Variants in GRAMD2B observed in about 807,000 individuals in gnomAD.
GRAMD2B encodes GRAM domain-containing protein 2B.
Under a neutral mutation model 59.2 loss-of-function variants are expected in GRAMD2B, and 41 were observed. The ratio of observed to expected loss-of-function variants is 0.69; its 90% confidence interval spans 0.54 to 0.90. The LOEUF is 0.90. GRAMD2B is among the 40% of genes least tolerant of loss of function. The pLI is 0.00. For missense variants in GRAMD2B, 424 were observed against 500.5 expected (o/e 0.85, Z 1.46); for synonymous variants, 161 against 182.7 (o/e 0.88, Z 0.96).
chr5:126,460,173 C>G (rs1247217281), intron 1 of GRAMD2B, among the ~76,000 whole-genome samples: 1 of 152,114 alleles, frequency 6.6e-6, no homozygotes, highest in Non-Finnish European at 1.5e-5. Context: ...TGCTGTCTAT[C>G]ATTTGTGGTT....
chr5:126,469,802 G>T lies in GRAMD2B; in HGVS notation c.315+14G>T. 1 of 1,582,542 alleles carries T rather than the reference G, an allele frequency of 6.3e-7. No individual in the cohort carries two copies. Among genetic ancestry groups the T allele is most frequent in the South Asian group, 1.1e-5 (1 of 90,086 alleles). ...TCTTCCAGCCAGGTAATTTGAGAATGGAATTTGTATTGTCTTAGAGGGTGA... is the reference window on the plus strand; with the variant it reads ...TCTTCCAGCCAGGTAATTTGAGAATTGAATTTGTATTGTCTTAGAGGGTGA... On this transcript the variant is annotated intron_variant, in intron 3 of 13. Coordinates refer to ENST00000285689, the MANE Select transcript of GRAMD2B (RefSeq NM_023927.4).
upstream of GRAMD2B, among the ~76,000 whole-genome samples, chr5:126,370,194 A>G (rs1272691568): frequency 6.6e-6 from 1 of 152,210 alleles, no homozygotes. Flanking sequence ...GCAGGAAAAT[A>G]TTGTCCAAAA....
chr5:126,454,882 G>A (rs183024843), intron 1 of GRAMD2B, among the ~76,000 whole-genome samples: 1 of 152,242 alleles, frequency 6.6e-6, no homozygotes, highest in East Asian at 1.9e-4. Flanking sequence ...TGACCTATTT[G>A]GGGCTCCTTT....
At chr5:126,389,526 C>T (rs1756510242) in intron 1 of GRAMD2B, among the ~76,000 whole-genome samples, 1 of 152,066 alleles carries the variant, frequency 6.6e-6, no homozygotes, top group South Asian at 2.1e-4. Context: ...GTAAGAGCCC[C>T]TGAATGGTTT....
At chr5:126,479,451 AT>A (rs1223897197) in intron 6 of GRAMD2B, among the ~76,000 whole-genome samples, 1 of 152,184 alleles carries the variant, frequency 6.6e-6, no homozygotes, top group Admixed American at 6.5e-5. Flanking sequence ...CTATTTGGGG[AT>A]TTTTTAGAAA....
intron 1 of GRAMD2B, 95 bp downstream of exon 1, chr5:126,423,784 C>G (rs559938774): frequency 3.7e-5 from 46 of 1,229,358 alleles, no homozygotes; most frequent in African/African-American, 1.9e-4. Flanking sequence ...ATGCGGATTT[C>G]TGGAGCTCCT....
chr5:126,463,589 G>A (rs1216095063), intron 1 of GRAMD2B, among the ~76,000 whole-genome samples: 1 of 152,176 alleles, frequency 6.6e-6, no homozygotes, highest in African/African-American at 2.4e-5. Flanking sequence ...ATGCAATTCT[G>A]TTATGGACTG....
intron 1 of GRAMD2B, among the ~76,000 whole-genome samples, chr5:126,391,447 T>G (rs1348640170): frequency 6.6e-6 from 1 of 151,650 alleles, no homozygotes; most frequent in Non-Finnish European, 1.5e-5. Flanking sequence ...TTATTTATAA[T>G]GCTGAAATAA....
At chr5:126,481,641 T>C (rs879906798) in intron 8 of GRAMD2B, among the ~76,000 whole-genome samples, 5 of 152,176 alleles carry the variant, frequency 3.3e-5, no homozygotes, top group African/African-American at 9.7e-5. Flanking sequence ...AAATGTGGTA[T>C]ACCTATACAA....
Position 126,488,826 on chromosome 5 carries a change from A to G in GRAMD2B, c.1191A>G (p.Ser397=). 3 of 1,613,770 alleles carry G rather than the reference A, an allele frequency of 1.9e-6. No homozygotes were observed. The highest frequency in any genetic ancestry group is 2.5e-6 in the Non-Finnish European group (3 of 1,179,734). The part of the protein sequence containing the change: ...TEQAAPSGLR[S]QVQFNVEVLC... ...AGGCAGCACCATCTGGCCTGAGGTCACAAGTACAATTCAATGTGGAGGTTC... is the reference window on the plus strand; with the variant it reads ...AGGCAGCACCATCTGGCCTGAGGTCGCAAGTACAATTCAATGTGGAGGTTC... The change falls in exon 13 of 14, where the codon TCA becomes TCG. Residue 397 remains serine (S), a synonymous_variant. Coordinates refer to ENST00000285689, the MANE Select transcript of GRAMD2B (RefSeq NM_023927.4).
chr5:126,423,638 C>T lies in GRAMD2B; in HGVS notation c.32C>T (p.Thr11Ile), dbSNP rs1346750980. The T allele has an allele frequency of 6.2e-7, 1 of 1,610,126 alleles. No homozygotes were observed. The highest frequency in any genetic ancestry group is 2.2e-5 in the East Asian group (1 of 44,540). ...GAACTACAGCAAGATGTGGAAGACA[C>T]AAAGCCTGCGAAAGTGCTCGGGAAG... MTELQQDVED[T>I]KPAKVLGKRE... Residue 11 changes from threonine (T) to isoleucine (I), a missense_variant, in exon 1 of 14, where the codon ACA (threonine) becomes ATA (isoleucine). Coordinates refer to ENST00000285689, the MANE Select transcript of GRAMD2B (RefSeq NM_023927.4).
intron 1 of GRAMD2B, among the ~76,000 whole-genome samples, chr5:126,461,617 C>T (rs947590621): frequency 1.3e-5 from 2 of 151,992 alleles, no homozygotes; most frequent in Non-Finnish European, 2.9e-5. Context: ...CTGGCCAACA[C>T]AGCGAAACCC....
At chr5:126,469,655 A>G in intron 2 of GRAMD2B, 22 bp from the exon 3 acceptor site, 2 of 1,520,156 alleles carry the variant, frequency 1.3e-6, no homozygotes, top group Non-Finnish European at 1.8e-6. Context: ...TCTTATAGAC[A>G]CCCTGGACTT....
upstream of GRAMD2B, among the ~76,000 whole-genome samples, chr5:126,422,289 C>CA (rs1364145905): frequency 1.3e-5 from 2 of 151,992 alleles, no homozygotes; most frequent in Non-Finnish European, 2.9e-5. Context: ...CTCCATCTCC[C>CA]AGGCTCAAGT....
intron 1 of GRAMD2B, among the ~76,000 whole-genome samples, chr5:126,397,068 GC>G (rs1386572020): frequency 6.6e-6 from 1 of 152,060 alleles, no homozygotes; most frequent in East Asian, 1.9e-4. Flanking sequence ...CCTTGTAGGT[GC>G]TGGATATTAG....
rs1250806384 is a variant in GRAMD2B at position 126,483,491 on chromosome 5, A to T, written c.764A>T (p.Asp255Val). ...LDFNDEFSDL[D>V]GVVQQRRQDM... ...TTCAATGATGAATTCTCAGATCTGG[A>T]TGGAGTGGTTCAACAAAGAAGGCAA... The change falls in exon 9 of 14, where the codon GAT (aspartate) becomes GTT (valine). Residue 255 changes from aspartate (D) to valine (V), a missense_variant. Physicochemically the swap from Asp to Val is radical, Grantham distance 152. Coordinates refer to ENST00000285689, the MANE Select transcript of GRAMD2B (RefSeq NM_023927.4). The T allele has an allele frequency of 1.2e-6, 2 of 1,611,436 alleles. No homozygotes were observed. The highest frequency in any genetic ancestry group is 1.7e-6 in the Non-Finnish European group (2 of 1,177,650).
intron 1 of GRAMD2B, among the ~76,000 whole-genome samples, chr5:126,451,440 C>T (rs890361863): frequency 6.6e-6 from 1 of 152,100 alleles, no homozygotes; most frequent in Non-Finnish European, 1.5e-5. Context: ...GGTTTCAGAC[C>T]TGTGTGGGGC....
intron 1 of GRAMD2B, among the ~76,000 whole-genome samples, chr5:126,360,687 G>T (rs1298203674): frequency 1.3e-5 from 2 of 152,144 alleles, no homozygotes; most frequent in Admixed American, 6.5e-5. Flanking sequence ...AGTACATTTT[G>T]CTTATAGGTG....
intron 1 of GRAMD2B, among the ~76,000 whole-genome samples, chr5:126,446,519 A>G (rs1764258991): frequency 6.6e-6 from 1 of 152,096 alleles, no homozygotes; most frequent in Admixed American, 6.6e-5. Context: ...ATCCAGCAGT[A>G]ACCGTGACTG....
Sources: allele counts gnomAD v4.1 joint callset (sites outside exome capture counted in the v4.1 genomes callset), GRCh38; gene constraint gnomAD v4.1.1; transcripts MANE v1.5; gene names NCBI Gene and HGNC (gene_info 2026-07-23, HGNC 2026-07-21).